The following GGNBP2 variants were observed in gnomAD, a reference collection of about 807,000 sequenced individuals.
GGNBP2 encodes the protein gametogenetin binding protein 2.
In GGNBP2, 10 loss-of-function variants were observed where a neutral mutation model predicts 85.9. The ratio of observed to expected loss-of-function variants is 0.12; its 90% CI spans 0.07 to 0.20. GGNBP2 has a LOEUF of 0.20. Among genes scored for constraint, GGNBP2 ranks in the 10% least tolerant of loss-of-function variants. GGNBP2 has a pLI of 1.00. For missense variants in GGNBP2, 595 were observed against 857.8 expected (o/e 0.69, Z 3.83); for synonymous variants, 287 against 285.7 (o/e 1.00, Z -0.05).
At chr17:36,554,615 C>G (rs2142698655) in intron 2 of GGNBP2, among the ~76,000 whole-genome samples, 1 of 151,896 alleles carries the variant, frequency 6.6e-6, no homozygotes, top group African/African-American at 2.4e-5. Context: ...GATCCGCCGC[C>G]CCCCACCCCA....
intron 5 of GGNBP2, among the ~76,000 whole-genome samples, chr17:36,563,311 T>C (rs1395875350): frequency 6.6e-6 from 1 of 152,040 alleles, no homozygotes; most frequent in Non-Finnish European, 1.5e-5. Flanking sequence ...TTAGTAAAAT[T>C]GTCAAACATA....
At chr17:36,584,674 C>T (rs548319950) in intron 9 of GGNBP2, among the ~76,000 whole-genome samples, 2 of 152,260 alleles carry the variant, frequency 1.3e-5, no homozygotes, top group East Asian at 3.9e-4. Flanking sequence ...GTTGACAGGG[C>T]GTGGAGGCTC....
rs375394270 is a variant in GGNBP2, at chr17:36,558,637, G to A, written c.428+1301G>A. ...CGCTTGACTTTTTTTTTATTTTTTA[G>A]TAGAGACAGGGTTTCGCTATGTTGG... is the stretch of plus-strand genomic sequence containing the variant. On this transcript the variant is annotated intron_variant, in intron 4 of 13. Transcript: ENST00000613102. Among the ~76,000 whole-genome samples the A allele has an allele frequency of 1.6e-4, 24 of 151,296 alleles. No individual in the cohort carries two copies. The South Asian group carries it at 4.4e-3, about 28-fold the overall frequency.
intron 2 of GGNBP2, among the ~76,000 whole-genome samples, chr17:36,553,912 A>G (rs970610600): frequency 2.0e-5 from 3 of 152,220 alleles, no homozygotes; most frequent in Admixed American, 2.0e-4. Context: ...ATTATGTGAC[A>G]TAGTGAAGCC....
rs536429861 is a variant in GGNBP2, at chr17:36,586,152, A to C, written c.1595A>C (p.Asn532Thr). 2.7e-5 allele frequency: 43 copies of C among 1,613,928 alleles called. No individual in the cohort carries two copies. In the South Asian group the frequency reaches 4.1e-4, roughly 15 times the overall value. Residue 532 changes from asparagine to threonine, a missense_variant, in exon 12 of 14, where the codon AAT becomes ACT. By Grantham distance (65) the Asn-to-Thr change is moderately conservative. Coordinates refer to ENST00000613102, the MANE Select transcript of GGNBP2 (RefSeq NM_024835.5). ...NSEENDTKGK[N>T]KKKKKKSKIL... The stretch of plus-strand genomic sequence containing the variant: ...GAAGAGAACGACACAAAAGGAAAAA[A>C]TAAAAAGAAGAAGAAGAAAAGCAAG...
Position 36,562,316 on chromosome 17 carries a change from G to A in GGNBP2, c.527+1445G>A, listed in dbSNP as rs555408260. Among the ~76,000 whole-genome samples the A allele has an allele frequency of 3.3e-5, 5 of 151,964 alleles. No homozygotes were observed. In the East Asian group the frequency reaches 7.8e-4, roughly 24 times the overall value. On this transcript the variant is annotated intron_variant, in intron 5 of 13. Coordinates refer to ENST00000613102, the MANE Select transcript of GGNBP2 (RefSeq NM_024835.5). ...TGAGTAGCTGGGATTACAGGTGTTC[G>A]CCACCACTCCTGGCTAATTTTTTTG...
At chr17:36,563,441 C>G (rs2074438931) in intron 5 of GGNBP2, among the ~76,000 whole-genome samples, 1 of 152,020 alleles carries the variant, frequency 6.6e-6, no homozygotes, top group South Asian at 2.1e-4. Context: ...TAAAGCAAGT[C>G]CCAGGCTTCG....
intron 2 of GGNBP2, among the ~76,000 whole-genome samples, chr17:36,552,166 C>T (rs949464882): frequency 1.3e-5 from 2 of 152,142 alleles, no homozygotes; most frequent in African/African-American, 4.8e-5. Context: ...TTTGGAGTGA[C>T]CTCCAATATT....
intron 9 of GGNBP2, 113 bp from the exon 10 acceptor site, chr17:36,585,187 C>A: frequency 1.2e-6 from 1 of 847,366 alleles, no homozygotes; most frequent in Non-Finnish European, 1.9e-6. Flanking sequence ...AATGTCAGTA[C>A]AGTGAAAATG....
chr17:36,584,121 T>C (rs187363290), intron 9 of GGNBP2, among the ~76,000 whole-genome samples: 2 of 152,358 alleles, frequency 1.3e-5, no homozygotes, highest in Non-Finnish European at 2.9e-5. Flanking sequence ...ACAACAGTTG[T>C]TGTTCATTGT....
chr17:36,546,046 C>T (rs1464882679), intron 2 of GGNBP2: 2 of 501,460 alleles, frequency 4.0e-6, no homozygotes, highest in Non-Finnish European at 3.6e-6. Flanking sequence ...CCAGATTTTC[C>T]TTCTTTTGGA....
chr17:36,571,646 C>G (rs1292872789), intron 6 of GGNBP2, among the ~76,000 whole-genome samples: 1 of 151,746 alleles, frequency 6.6e-6, no homozygotes, highest in Non-Finnish European at 1.5e-5. Context: ...TTGAGACTAT[C>G]CTGGCTAACA....
At chr17:36,558,610 C>A (rs1020375499) in intron 4 of GGNBP2, among the ~76,000 whole-genome samples, 1 of 151,286 alleles carries the variant, frequency 6.6e-6, no homozygotes, top group Non-Finnish European at 1.5e-5. Context: ...TGCCCACTAC[C>A]ACGCTTGACT....
intron 5 of GGNBP2, among the ~76,000 whole-genome samples, chr17:36,566,070 C>G (rs2074465257): frequency 6.6e-6 from 1 of 152,074 alleles, no homozygotes; most frequent in Non-Finnish European, 1.5e-5. Flanking sequence ...TGAGAAATAC[C>G]CATTTAGCTA....
chr17:36,585,505 T>C (rs1478056804), intron 10 of GGNBP2, 55 bp downstream of exon 10: 2 of 1,251,762 alleles, frequency 1.6e-6, no homozygotes, highest in Non-Finnish European at 2.3e-6. Context: ...TTTCTTACTG[T>C]TAAATGTAAG....
At chr17:36,572,965 AT>A (rs1258415481) in intron 6 of GGNBP2, among the ~76,000 whole-genome samples, 1 of 152,010 alleles carries the variant, frequency 6.6e-6, no homozygotes, top group Non-Finnish European at 1.5e-5. Context: ...TTACTTAGCC[AT>A]TATCTAAGAC....
At chr17:36,551,586 G>A (rs1283819740) in intron 2 of GGNBP2, among the ~76,000 whole-genome samples, 2 of 151,648 alleles carry the variant, frequency 1.3e-5, no homozygotes, top group Non-Finnish European at 2.9e-5. Context: ...GCTCATGCCT[G>A]TAATCCCAGC....
intron 2 of GGNBP2, among the ~76,000 whole-genome samples, chr17:36,548,481 G>C (rs138196492): frequency 0.015 from 2,224 of 151,542 alleles, 32 homozygotes; most frequent in African/African-American, 0.042. Context: ...CAGACATAGT[G>C]GTGGGTGCCT....
Position 36,585,850 on chromosome 17 carries a change from A to G in GGNBP2, c.1377A>G (p.Pro459=). 1 of 1,613,274 alleles carries G rather than the reference A, an allele frequency of 6.2e-7. No individual in the cohort carries two copies. The highest frequency in any genetic ancestry group is 8.5e-7 in the Non-Finnish European group (1 of 1,179,368). ...GSPKIKKGLS[P]HCNGSDCGYS... ...TTGATTTATTCTCAGGCTTATCTCC[A>G]CACTGTAATGGTAGTGATTGTGGAT... is the stretch of plus-strand genomic sequence containing the variant. Residue 459 remains proline, a synonymous_variant, in exon 11 of 14, where the codon CCA becomes CCG. Transcript: ENST00000613102.
Sources: gnomAD v4.1 joint callset for allele counts (sites outside exome capture counted in the v4.1 genomes callset) on GRCh38, gnomAD v4.1.1 for gene constraint, MANE v1.5 for transcripts, NCBI Gene and HGNC (gene_info 2026-07-23, HGNC 2026-07-21) for gene names.